The following SGCZ variants were observed in gnomAD, a reference collection of about 807,000 sequenced individuals.
SGCZ encodes the protein sarcoglycan zeta.
In SGCZ, 40 loss-of-function variants were observed where a neutral mutation model predicts 41.3. The ratio of observed to expected loss-of-function variants is 0.97; its 90% confidence interval spans 0.75 to 1.26. SGCZ has a LOEUF of 1.26. Among genes scored for constraint, SGCZ ranks in the 50% most tolerant of loss-of-function variants. The pLI is 0.00. For synonymous variants in SGCZ, 206 were observed against 137.5 expected (o/e 1.50, Z -3.49); for missense variants, 552 against 369.8 (o/e 1.49, Z -4.04).
chr8:14,457,961 C>T (rs1313486600), intron 2 of SGCZ, among the ~76,000 whole-genome samples: 1 of 152,118 alleles, frequency 6.6e-6, no homozygotes, highest in Non-Finnish European at 1.5e-5. Context: ...TCTACACTCT[C>T]TCGTCACCAC....
chr8:14,879,790 T>C (rs1804513599), intron 1 of SGCZ: 1 of 151,524 alleles, frequency 6.6e-6, no homozygotes, highest in South Asian at 2.1e-4. Flanking sequence ...AGTGCAGCTG[T>C]ATTGTAGATT....
At chr8:14,229,844 T>C (rs1252676368) in intron 4 of SGCZ, among the ~76,000 whole-genome samples, 1 of 152,054 alleles carries the variant, frequency 6.6e-6, no homozygotes, top group African/African-American at 2.4e-5. Flanking sequence ...AACCCTCATC[T>C]ACATTTTTTC....
At chr8:14,369,575 A>G (rs1389492312) in intron 2 of SGCZ, among the ~76,000 whole-genome samples, 3 of 152,006 alleles carry the variant, frequency 2.0e-5, no homozygotes, top group African/African-American at 4.8e-5. Flanking sequence ...ATTGTAATTT[A>G]TAAGTATTTT....
rs73523345 is a variant in SGCZ at position 14,287,837 on chromosome 8, G to A, written c.336+36266C>T. On this transcript the variant is annotated intron_variant, in intron 3 of 7. Transcript: ENST00000382080. ...TGGGCAGTGATTCCCAAGTAGCCCGGCAGCTTTATTTTTGCTGAGTCTTCA... is the reference window on the plus strand; with the variant it reads ...TGGGCAGTGATTCCCAAGTAGCCCGACAGCTTTATTTTTGCTGAGTCTTCA... Among the ~76,000 whole-genome samples, 984 of 152,106 alleles carry A rather than the reference G, an allele frequency of 6.5e-3. 9 individuals carry two copies. Among genetic ancestry groups the A allele is most frequent in the African/African-American group, 0.022 (934 of 41,526 alleles).
intron 2 of SGCZ, among the ~76,000 whole-genome samples, chr8:14,387,469 G>C (rs1016073581): frequency 6.6e-6 from 1 of 152,134 alleles, no homozygotes; most frequent in African/African-American, 2.4e-5. Context: ...TTCAGAATCA[G>C]TTTAAAGTGT....
chr8:14,096,170 T>C (rs1233762152), intron 7 of SGCZ, among the ~76,000 whole-genome samples: 2 of 152,188 alleles, frequency 1.3e-5, no homozygotes, highest in African/African-American at 4.8e-5. Context: ...AGGGCATCCT[T>C]GTCTTGTGCC....
intron 2 of SGCZ, among the ~76,000 whole-genome samples, chr8:14,398,207 TTC>T (rs2117237542): frequency 6.6e-6 from 1 of 152,288 alleles, no homozygotes; most frequent in South Asian, 2.1e-4. Context: ...ACACCGCTGT[TTC>T]TCTTAGCTTT....
chr8:14,095,902 T>C (rs1288160749), intron 7 of SGCZ, among the ~76,000 whole-genome samples: 3 of 152,150 alleles, frequency 2.0e-5, no homozygotes, highest in African/African-American at 7.2e-5. Flanking sequence ...TGACTCCCTG[T>C]TTGTCTGTTA....
At chr8:14,521,323 T>C (rs1220802199) in intron 2 of SGCZ, among the ~76,000 whole-genome samples, 3 of 152,130 alleles carry the variant, frequency 2.0e-5, no homozygotes, top group African/African-American at 7.2e-5. Flanking sequence ...TTCGGGGAAT[T>C]GGATTTTTTT....
At chr8:14,624,280 A>G (rs563018510) in intron 1 of SGCZ, among the ~76,000 whole-genome samples, 1 of 152,222 alleles carries the variant, frequency 6.6e-6, no homozygotes, top group South Asian at 2.1e-4. Context: ...GAATCCCCCA[A>G]TAACAATGTT....
intron 1 of SGCZ, among the ~76,000 whole-genome samples, chr8:14,822,491 A>G (rs1802137021): frequency 2.0e-5 from 3 of 152,336 alleles, no homozygotes; most frequent in African/African-American, 7.2e-5. Flanking sequence ...AGAAATTCAC[A>G]TGGAATCACA....
At chr8:14,616,042 G>A (rs28692802) in intron 1 of SGCZ, among the ~76,000 whole-genome samples, 6,105 of 152,170 alleles carry the variant, frequency 0.04, 381 homozygotes, top group African/African-American at 0.14. Context: ...CCAGCACTTT[G>A]GGAGGCTGAG....
chr8:14,114,314 A>G (rs1802458978), intron 5 of SGCZ, among the ~76,000 whole-genome samples: 1 of 152,062 alleles, frequency 6.6e-6, no homozygotes, highest in Non-Finnish European at 1.5e-5. Context: ...ACTTTAACAC[A>G]AATCAACATC....
At chr8:15,069,343 A>C (rs1805269517) in intron 1 of SGCZ, among the ~76,000 whole-genome samples, 1 of 152,120 alleles carries the variant, frequency 6.6e-6, no homozygotes. Flanking sequence ...CACAATGCAA[A>C]GTTTTGAAAG....
intron 1 of SGCZ, among the ~76,000 whole-genome samples, chr8:14,878,693 A>G (rs1585342486): frequency 6.6e-6 from 1 of 152,202 alleles, no homozygotes; most frequent in East Asian, 1.9e-4. Context: ...CGAAGTCTAT[A>G]ATGAGAATGA....
intron 2 of SGCZ, among the ~76,000 whole-genome samples, chr8:14,406,901 C>T (rs1799226028): frequency 6.6e-6 from 1 of 152,126 alleles, no homozygotes; most frequent in African/African-American, 2.4e-5. Context: ...CTGCTGTATA[C>T]TGCTACTTCA....
At chr8:14,293,235 T>C (rs1585328575) in intron 3 of SGCZ, among the ~76,000 whole-genome samples, 1 of 152,156 alleles carries the variant, frequency 6.6e-6, no homozygotes, top group African/African-American at 2.4e-5. Flanking sequence ...AAAATCCCAG[T>C]GGACAATGGA....
At chr8:15,050,432 A>G (rs1041109979) in intron 1 of SGCZ, among the ~76,000 whole-genome samples, 2 of 152,124 alleles carry the variant, frequency 1.3e-5, no homozygotes, top group African/African-American at 4.8e-5. Context: ...TGAAACTGAG[A>G]AGTATTGAGC....
At chr8:14,243,737 C>T (rs1199035135) in intron 3 of SGCZ, among the ~76,000 whole-genome samples, 1 of 152,150 alleles carries the variant, frequency 6.6e-6, no homozygotes, top group East Asian at 1.9e-4. Flanking sequence ...AAAGTATAGA[C>T]ATTTTTCCAG....
Sources: allele counts gnomAD v4.1 joint callset (sites outside exome capture counted in the v4.1 genomes callset), GRCh38; gene constraint gnomAD v4.1.1; transcripts MANE v1.5; gene names NCBI Gene and HGNC (gene_info 2026-07-23, HGNC 2026-07-21).